Variants in DNM3 observed in about 807,000 individuals in gnomAD.
DNM3 encodes dynamin-3.
In DNM3, 47 loss-of-function variants were observed where a neutral mutation model predicts 101.6. The ratio of observed to expected loss-of-function variants is 0.46; its 90% CI spans 0.37 to 0.59. The LOEUF is 0.59. Among genes scored for constraint, DNM3 ranks in the 20% least tolerant of loss-of-function variants. DNM3 has a pLI of 0.00. For missense variants in DNM3, 849 were observed against 1,085.7 expected (o/e 0.78, Z 3.06); for synonymous variants, 385 against 387.9 (o/e 0.99, Z 0.09).
In DNM3 at chr1:172,408,491, A is replaced by C; in HGVS notation, c.*650A>C. ...CCAATGTGTTTTGCTTCATGCTAGA[A>C]GCATATGCAACAGTGAATAAAAGCT... is the stretch of plus-strand genomic sequence containing the variant. On this transcript the variant is annotated 3_prime_UTR_variant, in exon 21 of 21. Coordinates refer to ENST00000627582, the MANE Select transcript of DNM3 (RefSeq NM_015569.5). 1.0e-6 allele frequency: 1 copy of C among 985,396 alleles called. No homozygotes were observed. Among genetic ancestry groups the C allele is most frequent in the Non-Finnish European group, 1.2e-6 (1 of 829,890 alleles). The allele number at this position is 985,396 out of a possible 1,614,324, so 61.0% of individuals were successfully genotyped here.
At chr1:172,210,044 T>A (rs907209470) in intron 14 of DNM3, among the ~76,000 whole-genome samples, 2 of 152,086 alleles carry the variant, frequency 1.3e-5, no homozygotes, top group Non-Finnish European at 2.9e-5. Context: ...CATTACAAGA[T>A]GTTAAATTTG....
At chr1:172,317,390 G>T (rs895217628) in intron 16 of DNM3, among the ~76,000 whole-genome samples, 6 of 151,854 alleles carry the variant, frequency 4.0e-5, no homozygotes, top group East Asian at 1.9e-4. Context: ...ACTAAAATCA[G>T]AGCAGAACTG....
intron 11 of DNM3, among the ~76,000 whole-genome samples, chr1:172,072,894 A>G (rs1300688340): frequency 1.3e-5 from 2 of 152,184 alleles, no homozygotes; most frequent in African/African-American, 4.8e-5. Flanking sequence ...TCAAAAAACA[A>G]CAACAAAAAA....
At chr1:172,299,410 A>G (rs2064328708) in intron 15 of DNM3, among the ~76,000 whole-genome samples, 1 of 152,116 alleles carries the variant, frequency 6.6e-6, no homozygotes, top group Non-Finnish European at 1.5e-5. Flanking sequence ...AACTTACTTT[A>G]TTTTATATGT....
chr1:171,998,103 T>C (rs1435551588), intron 4 of DNM3, among the ~76,000 whole-genome samples: 1 of 152,176 alleles, frequency 6.6e-6, no homozygotes, highest in East Asian at 1.9e-4. Context: ...TGATGCATGA[T>C]AAAAGTGCCT....
At chr1:172,183,807 G>A (rs2059430630) in intron 14 of DNM3, among the ~76,000 whole-genome samples, 1 of 107,746 alleles carries the variant, frequency 9.3e-6, no homozygotes, top group African/African-American at 3.8e-5. Context: ...TGTAGAAACA[G>A]GGTTTCACCA....
intron 2 of DNM3, among the ~76,000 whole-genome samples, chr1:171,927,836 T>C (rs2040702263): frequency 6.6e-6 from 1 of 152,340 alleles, no homozygotes. Flanking sequence ...ATTCTATTTC[T>C]GTCATTTCAA....
At chr1:171,963,171 T>C (rs922767058) in intron 2 of DNM3, among the ~76,000 whole-genome samples, 1 of 152,130 alleles carries the variant, frequency 6.6e-6, no homozygotes, top group Non-Finnish European at 1.5e-5. Context: ...GTAAATAAAC[T>C]ATGGTATACC....
chr1:172,203,128 A>G (rs1470600449), intron 14 of DNM3, among the ~76,000 whole-genome samples: 1 of 152,146 alleles, frequency 6.6e-6, no homozygotes, highest in Non-Finnish European at 1.5e-5. Context: ...CTTTGGCTGT[A>G]ATTAAATATT....
chr1:172,099,829 T>C (rs1392718198), intron 13 of DNM3, among the ~76,000 whole-genome samples: 2 of 152,158 alleles, frequency 1.3e-5, no homozygotes, highest in Non-Finnish European at 2.9e-5. Flanking sequence ...AAGTGATAAC[T>C]AAAAATATTT....
intron 14 of DNM3, among the ~76,000 whole-genome samples, chr1:172,205,212 A>C (rs1029122148): frequency 2.6e-5 from 4 of 152,070 alleles, no homozygotes; most frequent in Admixed American, 2.6e-4. Context: ...ATCTTTTATA[A>C]TCTTCCCAGG....
At chr1:172,209,102 G>A (rs1287340719) in intron 14 of DNM3, among the ~76,000 whole-genome samples, 1 of 151,914 alleles carries the variant, frequency 6.6e-6, no homozygotes, top group African/African-American at 2.4e-5. Flanking sequence ...TCTTTAAACA[G>A]GTGATTAAGT....
chr1:172,199,502 G>A (rs1316540373), intron 14 of DNM3, among the ~76,000 whole-genome samples: 1 of 152,002 alleles, frequency 6.6e-6, no homozygotes, highest in Non-Finnish European at 1.5e-5. Flanking sequence ...ATACTGTCAT[G>A]GGAGTGTTGA....
At chr1:171,991,994 T>G (rs2045664164) in intron 4 of DNM3, among the ~76,000 whole-genome samples, 2 of 152,204 alleles carry the variant, frequency 1.3e-5, no homozygotes, top group Admixed American at 1.3e-4. Flanking sequence ...ATAAATTCTT[T>G]TCAAGGGTGA....
At chr1:171,847,112 G>A (rs1373553199) in intron 1 of DNM3, among the ~76,000 whole-genome samples, 3 of 152,092 alleles carry the variant, frequency 2.0e-5, no homozygotes, top group Non-Finnish European at 4.4e-5. Context: ...TACTGGGTAA[G>A]AATATACAAG....
intron 2 of DNM3, among the ~76,000 whole-genome samples, chr1:171,946,763 G>A (rs1448094847): frequency 6.6e-6 from 1 of 152,164 alleles, no homozygotes; most frequent in African/African-American, 2.4e-5. Context: ...TCCATTCATG[G>A]CAGAAAATGA....
chr1:171,958,123 T>A (rs1313719112), intron 2 of DNM3, among the ~76,000 whole-genome samples: 2 of 152,128 alleles, frequency 1.3e-5, no homozygotes, highest in Non-Finnish European at 2.9e-5. Context: ...ACGTCTCACA[T>A]GGCAGCAAAC....
At chr1:171,875,521 C>T (rs959685471) in intron 1 of DNM3, among the ~76,000 whole-genome samples, 2 of 152,062 alleles carry the variant, frequency 1.3e-5, no homozygotes, top group African/African-American at 4.8e-5. Context: ...AAGGAGTAAA[C>T]CAAATATTTA....
chr1:172,341,518 G>A (rs2066686297), intron 17 of DNM3, among the ~76,000 whole-genome samples: 1 of 152,146 alleles, frequency 6.6e-6, no homozygotes, highest in African/African-American at 2.4e-5. Context: ...AAACGGCATT[G>A]TACTGGTACA....
Sources: gnomAD v4.1 joint callset for allele counts (sites outside exome capture counted in the v4.1 genomes callset) on GRCh38, gnomAD v4.1.1 for gene constraint, MANE v1.5 for transcripts, NCBI Gene and HGNC (gene_info 2026-07-23, HGNC 2026-07-21) for gene names.